The following EPHX4 variants were observed in gnomAD, a reference collection of about 807,000 sequenced individuals.
EPHX4 encodes epoxide hydrolase 4.
In EPHX4, 31 loss-of-function variants were observed where a neutral mutation model predicts 44.9. The observed-to-expected ratio is 0.69, with a 90% CI of 0.52 to 0.93. The LOEUF (loss-of-function observed/expected upper bound fraction) is 0.93. Ranked by LOEUF, EPHX4 falls within the 40% of genes least tolerant of loss-of-function variation. EPHX4 has a pLI of 0.00. For missense variants in EPHX4, 373 were observed against 438.1 expected (o/e 0.85, Z 1.33); for synonymous variants, 151 against 159.7 (o/e 0.95, Z 0.41).
chr1:92,056,267 A>G (rs889354357), intron 6 of EPHX4, among the ~76,000 whole-genome samples: 1 of 152,210 alleles, frequency 6.6e-6, no homozygotes, highest in South Asian at 2.1e-4. Flanking sequence ...ATAGTCAGGC[A>G]TGAAAATAGC....
chr1:92,038,819 T>C (rs1267725682), intron 2 of EPHX4, among the ~76,000 whole-genome samples: 1 of 152,184 alleles, frequency 6.6e-6, no homozygotes, highest in Non-Finnish European at 1.5e-5. Flanking sequence ...CTCTATTTGT[T>C]CACCTATTTC....
intron 6 of EPHX4, among the ~76,000 whole-genome samples, chr1:92,056,688 C>T (rs571499264): frequency 6.6e-6 from 1 of 150,822 alleles, no homozygotes; most frequent in African/African-American, 2.4e-5. Context: ...ACTATGTTGC[C>T]CAGGCTGGTC....
intron 3 of EPHX4, 30 bp from the exon 4 acceptor site, chr1:92,045,502 A>G: frequency 1.2e-6 from 2 of 1,611,874 alleles, no homozygotes; most frequent in Non-Finnish European, 1.7e-6. Flanking sequence ...TTTCTTTTTA[A>G]TGATGTCAAC....
chr1:92,052,360 A>G (rs574907206), intron 5 of EPHX4, 150 bp from the exon 6 acceptor site: 8 of 686,040 alleles, frequency 1.2e-5, no homozygotes, highest in East Asian at 2.8e-5. Context: ...TAGAATATAT[A>G]TGTATAAACA....
intron 4 of EPHX4, among the ~76,000 whole-genome samples, chr1:92,049,312 A>C (rs772707576): frequency 1.3e-5 from 2 of 152,082 alleles, no homozygotes; most frequent in African/African-American, 2.4e-5. Flanking sequence ...TTCAGCAAAC[A>C]TCACATCCCA....
At chr1:92,036,477 C>T (rs1033028953) in intron 2 of EPHX4, among the ~76,000 whole-genome samples, 4 of 152,130 alleles carry the variant, frequency 2.6e-5, no homozygotes, top group African/African-American at 7.2e-5. Flanking sequence ...TTCCCATTTG[C>T]CCCCGCAAAG....
At chr1:92,048,204 C>A (rs1570693901) in intron 4 of EPHX4, among the ~76,000 whole-genome samples, 1 of 152,228 alleles carries the variant, frequency 6.6e-6, no homozygotes, top group East Asian at 1.9e-4. Context: ...TCCAACTGAC[C>A]TATCACTTGG....
Position 92,058,443 on chromosome 1 carries a change from G to GAA in EPHX4, c.858-4598_858-4597dup, listed in dbSNP as rs576728125. ...GGAACAAGAGCGAAACCCCGTCTCA[G>GAA]AAAAAAAAAAAAAAATCCATTAATT... On this transcript the variant is annotated intron_variant, in intron 6 of 6. Transcript: ENST00000370383. 9.8e-5 allele frequency among the ~76,000 whole-genome samples: 10 copies of GAA among 101,716 alleles called. 1 individual carries two copies. The highest frequency in any genetic ancestry group is 4.1e-4 in the Admixed American group (4 of 9,654). The allele number at this position is 101,716 out of a possible 152,430, so 66.7% of individuals were successfully genotyped here. A position where few individuals can be genotyped will look rare whatever the true frequency, so the allele number is the denominator to read the frequency against.
chr1:92,041,486 A>C (rs888825548), intron 2 of EPHX4, among the ~76,000 whole-genome samples: 4 of 152,152 alleles, frequency 2.6e-5, no homozygotes, highest in African/African-American at 4.8e-5. Context: ...GAAATATAAA[A>C]TTTCATCTAG....
At chr1:92,052,723 T>C in intron 6 of EPHX4, 65 bp downstream of exon 6, 1 of 1,394,172 alleles carries the variant, frequency 7.2e-7, no homozygotes, top group Non-Finnish European at 9.6e-7. Flanking sequence ...GACAATATTT[T>C]ATTTTTAAGG....
At chr1:92,060,863 A>C (rs1356189139) in intron 6 of EPHX4, among the ~76,000 whole-genome samples, 1 of 151,910 alleles carries the variant, frequency 6.6e-6, no homozygotes, top group East Asian at 1.9e-4. Context: ...TCTAGAATGT[A>C]AGTGGCTTTA....
chr1:92,035,236 G>T (rs1688421168), intron 2 of EPHX4, among the ~76,000 whole-genome samples: 1 of 152,280 alleles, frequency 6.6e-6, no homozygotes, highest in East Asian at 1.9e-4. Flanking sequence ...TAGCTGCCCA[G>T]TGCAATTCGA....
chr1:92,051,129 G>A (rs1035790094), intron 5 of EPHX4, among the ~76,000 whole-genome samples: 2 of 151,994 alleles, frequency 1.3e-5, no homozygotes, highest in African/African-American at 4.8e-5. Flanking sequence ...CACCACTCCC[G>A]ACATAAATGC....
Position 92,046,636 on chromosome 1 carries a change from G to A in EPHX4, c.604+976G>A, listed in dbSNP as rs184767549. On this transcript the variant is annotated intron_variant, in intron 4 of 6. Transcript: ENST00000370383. ...CCGCCACCATGCTTGGCTAATTTTTGTATTTTTAGTAGAGACAGGGTTTCG... is the reference window on the plus strand; with the variant it reads ...CCGCCACCATGCTTGGCTAATTTTTATATTTTTAGTAGAGACAGGGTTTCG... 5.9e-5 allele frequency among the ~76,000 whole-genome samples: 9 copies of A among 152,096 alleles called. No individual in the cohort carries two copies. The East Asian group carries it at 1.4e-3, about 23-fold the overall frequency.
At chr1:92,038,903 G>A (rs528640297) in intron 2 of EPHX4, among the ~76,000 whole-genome samples, 1 of 152,246 alleles carries the variant, frequency 6.6e-6, no homozygotes, top group African/African-American at 2.4e-5. Flanking sequence ...TGGCTCTGCT[G>A]TTTGCTGACT....
chr1:92,061,907 C>T (rs1647505916), intron 6 of EPHX4, among the ~76,000 whole-genome samples: 1 of 151,930 alleles, frequency 6.6e-6, no homozygotes, highest in South Asian at 2.1e-4. Flanking sequence ...TTATATTTTT[C>T]TGTACTTAAG....
intron 6 of EPHX4, among the ~76,000 whole-genome samples, chr1:92,053,047 T>A (rs1376364427): frequency 6.6e-6 from 1 of 152,158 alleles, no homozygotes; most frequent in Non-Finnish European, 1.5e-5. Context: ...CTAGATAAGG[T>A]CTCTGATCTC....
intron 2 of EPHX4, among the ~76,000 whole-genome samples, chr1:92,033,049 C>G (rs573889655): frequency 6.6e-6 from 1 of 150,954 alleles, no homozygotes; most frequent in East Asian, 2.0e-4. Flanking sequence ...TACCAAGTAG[C>G]TGGGACTACA....
At chr1:92,030,460 G>C (rs1336805486) in intron 1 of EPHX4, 150 bp downstream of exon 1, 1 of 418,014 alleles carries the variant, frequency 2.4e-6, no homozygotes, top group African/African-American at 2.3e-5. Flanking sequence ...TGTGTGTCGT[G>C]TGTGTGTGTG....
Sources: gnomAD v4.1 joint callset for allele counts (sites outside exome capture counted in the v4.1 genomes callset) on GRCh38, gnomAD v4.1.1 for gene constraint, MANE v1.5 for transcripts, NCBI Gene and HGNC (gene_info 2026-07-23, HGNC 2026-07-21) for gene names.